Variants in DOP1A observed in about 807,000 individuals in gnomAD.
DOP1A encodes DOP1 leucine zipper like protein A, also known as protein DOP1A.
In DOP1A, 90 loss-of-function variants were observed where a neutral mutation model predicts 267.6. The observed-to-expected ratio is 0.34, with a 90% CI of 0.28 to 0.40. The LOEUF is 0.40. DOP1A is among the 10% of genes least tolerant of loss of function. DOP1A has a pLI of 1.00. For synonymous variants in DOP1A, 932 were observed against 999.1 expected (o/e 0.93, Z 1.27); for missense variants, 2,437 against 2,900.4 (o/e 0.84, Z 3.67).
intron 18 of DOP1A, among the ~76,000 whole-genome samples, chr6:83,133,918 A>T (rs1041966806): frequency 6.6e-6 from 1 of 152,108 alleles, no homozygotes; most frequent in Admixed American, 6.6e-5. Flanking sequence ...TAATATAGTA[A>T]ACTAATTACT....
intron 38 of DOP1A, chr6:83,164,926 G>T: frequency 2.1e-6 from 1 of 470,292 alleles, no homozygotes; most frequent in Non-Finnish European, 3.7e-6. Context: ...ATATAGTTCT[G>T]ATTAAGAGCA....
chr6:83,134,293 T>C lies in DOP1A; in HGVS notation c.2870+6T>C. Reference sequence around the variant, plus strand: ...TTTGTACGTTCTTTTGACAGGTCAGTTACATTTTATATTAAGATTTCACAG... The same window carrying C: ...TTTGTACGTTCTTTTGACAGGTCAGCTACATTTTATATTAAGATTTCACAG... On this transcript the variant is annotated splice_donor_region_variant and intron_variant, in intron 19 of 38. Coordinates refer to ENST00000349129, the MANE Select transcript of DOP1A (RefSeq NM_015018.4). 6.2e-7 allele frequency: 1 copy of C among 1,606,762 alleles called. No individual in the cohort carries two copies. Among genetic ancestry groups the C allele is most frequent in the Non-Finnish European group, 8.5e-7 (1 of 1,175,534 alleles).
At chr6:83,112,196 A>C (rs879915219) in intron 6 of DOP1A, among the ~76,000 whole-genome samples, 6 of 152,146 alleles carry the variant, frequency 3.9e-5, no homozygotes, top group Non-Finnish European at 7.4e-5. Flanking sequence ...CTAATATTCA[A>C]AGAGCTACTA....
At position 83,156,059 on chromosome 6, in the gene DOP1A, G is replaced by C. The variant is rs1458247652; in HGVS notation, c.6560G>C (p.Ser2187Thr). 14 of 1,613,854 alleles carry C rather than the reference G, an allele frequency of 8.7e-6. No homozygotes were observed. Among genetic ancestry groups the C allele is most frequent in the Non-Finnish European group, 1.1e-5 (13 of 1,179,880 alleles). Residue 2187 changes from serine (S) to threonine (T), a missense_variant, in exon 34 of 39, where the codon AGC (serine) becomes ACC (threonine). Ser to Thr is a moderately conservative substitution (Grantham distance 58, BLOSUM62 1). Coordinates refer to ENST00000349129, the MANE Select transcript of DOP1A (RefSeq NM_015018.4). ...LLKRLAFAIF[S>T]SEIDQYQKYL... ...AAAAGATTAGCATTTGCTATTTTTA[G>C]CAGTGAAATTGACCAGTACCAGAAA... is the stretch of plus-strand genomic sequence containing the variant.
intron 4 of DOP1A, among the ~76,000 whole-genome samples, chr6:83,104,444 CTTT>C (rs930017420): frequency 2.6e-5 from 4 of 152,004 alleles, no homozygotes; most frequent in Admixed American, 6.6e-5. Context: ...ATTTAGAATC[CTTT>C]TTTTCCATCT....
intron 4 of DOP1A, among the ~76,000 whole-genome samples, chr6:83,107,572 C>A (rs543159524): frequency 6.6e-6 from 1 of 151,992 alleles, no homozygotes; most frequent in Non-Finnish European, 1.5e-5. Context: ...ATTTACAGTC[C>A]GTTGGAAGAG....
At chr6:83,088,313 G>A (rs1769683281) in intron 1 of DOP1A, among the ~76,000 whole-genome samples, 1 of 151,762 alleles carries the variant, frequency 6.6e-6, no homozygotes, top group South Asian at 2.1e-4. Flanking sequence ...TGAGACAACA[G>A]TAAGGGCATG....
chr6:83,143,175 T>C (rs1333448692), intron 24 of DOP1A, among the ~76,000 whole-genome samples: 1 of 152,154 alleles, frequency 6.6e-6, no homozygotes, highest in African/African-American at 2.4e-5. Context: ...CCCAGCACTT[T>C]GGGAGACCAA....
chr6:83,134,149 GAGA>G (rs754659576), intron 18 of DOP1A, 35 bp from the exon 19 acceptor site: 49 of 1,558,984 alleles, frequency 3.1e-5, no homozygotes, highest in Non-Finnish European at 4.1e-5. Flanking sequence ...ATCTTCAAGA[GAGA>G]AGAACATAAT....
intron 27 of DOP1A, among the ~76,000 whole-genome samples, chr6:83,151,082 T>C (rs1781582010): frequency 2.0e-5 from 3 of 152,246 alleles, no homozygotes; most frequent in Non-Finnish European, 2.9e-5. Flanking sequence ...GTTCAACATA[T>C]GTTTATGAGA....
intron 25 of DOP1A, among the ~76,000 whole-genome samples, chr6:83,146,440 T>C (rs1332962481): frequency 1.3e-5 from 2 of 152,212 alleles, no homozygotes; most frequent in Non-Finnish European, 2.9e-5. Context: ...AGTGTCCTTA[T>C]TAAGTTTTTA....
At chr6:83,143,155 T>C (rs928264182) in intron 24 of DOP1A, among the ~76,000 whole-genome samples, 8 of 152,148 alleles carry the variant, frequency 5.3e-5, no homozygotes, top group South Asian at 2.1e-4. Flanking sequence ...CAGTGGCTCA[T>C]AGCTATAATC....
chr6:83,068,695 TTTTG>T (rs1785112466), intron 1 of DOP1A, among the ~76,000 whole-genome samples: 1 of 152,228 alleles, frequency 6.6e-6, no homozygotes, highest in Non-Finnish European at 1.5e-5. Flanking sequence ...CACATTTTAA[TTTTG>T]TTTGTGGGTA....
chr6:83,096,983 C>T lies in DOP1A; in HGVS notation c.6C>T (p.Asn2=), dbSNP rs767619808. Residue 2 remains asparagine (N), a synonymous_variant, in exon 3 of 39, where the codon AAC becomes AAT. Coordinates refer to ENST00000349129, the MANE Select transcript of DOP1A (RefSeq NM_015018.4). M[N]TEELELLSDS... is the part of the protein sequence containing the mutation. ...TAGTGGGAAGTTGTGGGAGGATGAA[C>T]ACAGAAGAGCTGGAGTTATTGAGTG... is the stretch of plus-strand genomic sequence containing the variant. 10 of 1,613,642 alleles carry T rather than the reference C, an allele frequency of 6.2e-6. No individual in the cohort carries two copies. The highest frequency in any genetic ancestry group is 7.6e-6 in the Non-Finnish European group (9 of 1,179,854).
At chr6:83,103,893 C>G (rs929159949) in intron 4 of DOP1A, among the ~76,000 whole-genome samples, 7 of 152,162 alleles carry the variant, frequency 4.6e-5, no homozygotes, top group South Asian at 2.1e-4. Flanking sequence ...CCTCCTACCC[C>G]CTTCTAGTGA....
chr6:83,120,002 A>G, intron 9 of DOP1A, 145 bp downstream of exon 9: 1 of 575,334 alleles, frequency 1.7e-6, no homozygotes, highest in African/African-American at 1.9e-5. Context: ...TTTTATAACA[A>G]GAAAATTCCT....
At chr6:83,072,973 A>G (rs779282463) in intron 1 of DOP1A, 1 of 370,084 alleles carries the variant, frequency 2.7e-6, no homozygotes, top group South Asian at 2.1e-5. Context: ...AATAGAACAT[A>G]GTACAGTACT....
intron 1 of DOP1A, among the ~76,000 whole-genome samples, chr6:83,068,098 C>T (rs928992009): frequency 6.6e-6 from 1 of 152,186 alleles, no homozygotes; most frequent in East Asian, 1.9e-4. Flanking sequence ...TCCCGAGCCT[C>T]CCCTGCTGGG....
intron 17 of DOP1A, 93 bp from the exon 18 acceptor site, chr6:83,132,083 C>T (rs762775378): frequency 4.8e-5 from 69 of 1,441,398 alleles, no homozygotes; most frequent in Non-Finnish European, 6.0e-5. Flanking sequence ...TCAGGTCTGA[C>T]AGAGAGCAGG....
Sources: allele counts gnomAD v4.1 joint callset (sites outside exome capture counted in the v4.1 genomes callset), GRCh38; gene constraint gnomAD v4.1.1; transcripts MANE v1.5; gene names NCBI Gene and HGNC (gene_info 2026-07-23, HGNC 2026-07-21).